MANSC4: variants seen among roughly 807,000 people sequenced by gnomAD.
The protein encoded by MANSC4 is MANSC domain containing 4, also known as MANSC domain-containing protein 4.
Under a neutral mutation model 11.4 loss-of-function variants are expected in MANSC4, and 11 were observed. The observed-to-expected ratio is 0.97, with a 90% CI of 0.61 to 1.60. The LOEUF (loss-of-function observed/expected upper bound fraction) is 1.60. MANSC4 is among the 40% of genes most tolerant of loss of function. The pLI is 0.00. For missense variants in MANSC4, 354 were observed against 404.6 expected, an observed-to-expected ratio of 0.88 and a Z score of 1.07; for synonymous variants, 123 against 147.1, an observed-to-expected ratio of 0.84 and a Z score of 1.19.
Position 27,763,252 on chromosome 12 carries a change from G to A in MANSC4, c.509C>T (p.Ser170Phe), listed in dbSNP as rs1158972115. The A allele has an allele frequency of 6.4e-7, 1 of 1,551,704 alleles. No homozygotes were observed. Among genetic ancestry groups the A allele is most frequent in the South Asian group, 1.2e-5 (1 of 84,060 alleles). ...CGTGGTTGAGGATGGAGCCTCTGTG[G>A]ATGGCAGCATACCATTTATCGTGGT... Reference protein sequence around the residue: ...QTTTINGMLPSTEAPSSTTHQ... With the variant: ...QTTTINGMLPFTEAPSSTTHQ... The change falls in exon 4 of 4, where the codon TCC becomes TTC. Residue 170 changes from serine to phenylalanine, a missense_variant. Transcript: ENST00000381273.
chr12:27,762,772 T>C lies in MANSC4; in HGVS notation c.989A>G (p.Lys330Arg). 1 of 1,546,422 alleles carries C rather than the reference T, an allele frequency of 6.5e-7. No individual in the cohort carries two copies. Among genetic ancestry groups the C allele is most frequent in the South Asian group, 1.2e-5 (1 of 82,660 alleles). Residue 330 changes from lysine to arginine, a missense_variant, in exon 4 of 4, where the codon AAA (lysine) becomes AGA (arginine). By Grantham distance (26) the Lys-to-Arg change is conservative (BLOSUM62 2). Coordinates refer to ENST00000381273, the MANE Select transcript of MANSC4 (RefSeq NM_001146221.5). ...GTTCTCCTTCATATGGTTACGGTTT[T>C]TAATTTGCAAGGATCCTGATTTTCT... ...GQRKSGSLQI[K>R]NRNHMKENSS
intron 1 of MANSC4, among the ~76,000 whole-genome samples, chr12:27,779,356 G>A (rs984513976): frequency 6.6e-6 from 1 of 152,172 alleles, no homozygotes; most frequent in Non-Finnish European, 1.5e-5. Context: ...AGAAAACATG[G>A]TTTAAAACCA....
chr12:27,770,100 C>T (rs1318369415), intron 2 of MANSC4, among the ~76,000 whole-genome samples: 1 of 152,144 alleles, frequency 6.6e-6, no homozygotes, highest in Non-Finnish European at 1.5e-5. Context: ...AAACATGAAT[C>T]GCACTCTAAA....
intron 1 of MANSC4, among the ~76,000 whole-genome samples, chr12:27,773,883 C>A (rs540046488): frequency 7.9e-5 from 12 of 152,272 alleles, no homozygotes; most frequent in African/African-American, 2.9e-4. Context: ...CATGGTGGCT[C>A]ACGCCTGTAA....
rs2062101317 is a variant in MANSC4, at chr12:27,771,590, T to G, written c.-306-8A>C. ...TCTGCTTTTCTTCTTTCTCTGAAAGTGAATAGTCACAGACACCTTTTGCTA... is the reference window on the plus strand; with the variant it reads ...TCTGCTTTTCTTCTTTCTCTGAAAGGGAATAGTCACAGACACCTTTTGCTA... On this transcript the variant is annotated splice_polypyrimidine_tract_variant and splice_region_variant and intron_variant, in intron 1 of 3. Coordinates refer to ENST00000381273, the MANE Select transcript of MANSC4 (RefSeq NM_001146221.5). Among the ~76,000 whole-genome samples, 2 of 152,130 alleles carry G rather than the reference T, an allele frequency of 1.3e-5. No homozygotes were observed. Among genetic ancestry groups the G allele is most frequent in the Admixed American group, 1.3e-4 (2 of 15,272 alleles).
chr12:27,763,934 T>C (rs915190166), intron 3 of MANSC4, among the ~76,000 whole-genome samples: 1 of 152,108 alleles, frequency 6.6e-6, no homozygotes, highest in African/African-American at 2.4e-5. Flanking sequence ...AGTTTTGTCA[T>C]GTTGCCCAGG....
rs545900997 is a variant in MANSC4, at chr12:27,779,469, G to A, written c.-307+741C>T. ...CCCAGTGGCAAATGCAAGCTCCCCTGCCTCCCAACCCGATTCCTCTGAGAA... is the reference window on the plus strand; with the variant it reads ...CCCAGTGGCAAATGCAAGCTCCCCTACCTCCCAACCCGATTCCTCTGAGAA... On this transcript the variant is annotated intron_variant, in intron 1 of 3. Transcript: ENST00000381273. Among the ~76,000 whole-genome samples, 3 of 152,246 alleles carry A rather than the reference G, an allele frequency of 2.0e-5. No homozygotes were observed. The East Asian group carries it at 5.8e-4, about 29-fold the overall frequency.
At position 27,765,836 on chromosome 12, in the gene MANSC4, G is replaced by T. The variant is rs528555914; in HGVS notation, c.364+829C>A. ...GATGGCAAAAATCTGTTCTTTTATG[G>T]TCACTAATTTACACCCTGAGATTAC... On this transcript the variant is annotated intron_variant, in intron 3 of 3. Transcript: ENST00000381273. Among the ~76,000 whole-genome samples, 11 of 152,172 alleles carry T rather than the reference G, an allele frequency of 7.2e-5. No individual in the cohort carries two copies. In the East Asian group the frequency reaches 1.9e-3, roughly 27 times the overall value.
chr12:27,764,653 GA>G (rs752164797), intron 3 of MANSC4, among the ~76,000 whole-genome samples: 9 of 152,026 alleles, frequency 5.9e-5, no homozygotes, highest in Non-Finnish European at 1.0e-4. Context: ...CAATGGTATT[GA>G]AACCCATATC....
chr12:27,777,460 A>G (rs921636707), intron 1 of MANSC4, among the ~76,000 whole-genome samples: 2 of 152,154 alleles, frequency 1.3e-5, no homozygotes, highest in Non-Finnish European at 2.9e-5. Context: ...GATGCTTAAT[A>G]CTGGATGTTA....
intron 1 of MANSC4, among the ~76,000 whole-genome samples, chr12:27,776,892 C>A (rs974046494): frequency 2.0e-5 from 3 of 152,066 alleles, no homozygotes; most frequent in African/African-American, 7.2e-5. Flanking sequence ...TAAAATTATA[C>A]CTCCAGTTAT....
chr12:27,773,049 C>T (rs2062106627), intron 1 of MANSC4, among the ~76,000 whole-genome samples: 1 of 152,118 alleles, frequency 6.6e-6, no homozygotes, highest in Non-Finnish European at 1.5e-5. Flanking sequence ...TTTTAAAGGA[C>T]CTAGAAGTCT....
At chr12:27,770,101 G>A (rs1389614088) in intron 2 of MANSC4, among the ~76,000 whole-genome samples, 4 of 152,070 alleles carry the variant, frequency 2.6e-5, no homozygotes, top group East Asian at 3.9e-4. Context: ...AACATGAATC[G>A]CACTCTAAAT....
intron 2 of MANSC4, among the ~76,000 whole-genome samples, chr12:27,770,429 C>T (rs1235214840): frequency 1.4e-5 from 2 of 146,474 alleles, no homozygotes; most frequent in Non-Finnish European, 1.6e-5. Flanking sequence ...GATCCACCCA[C>T]CTCGGCCTCC....
intron 3 of MANSC4, among the ~76,000 whole-genome samples, chr12:27,764,845 G>A (rs1179708327): frequency 2.0e-5 from 3 of 152,002 alleles, no homozygotes; most frequent in Non-Finnish European, 1.5e-5. Context: ...AATCTACACT[G>A]TAAGGTGATT....
At chr12:27,775,410 C>T (rs797013147) in intron 1 of MANSC4, among the ~76,000 whole-genome samples, 4 of 152,226 alleles carry the variant, frequency 2.6e-5, no homozygotes, top group African/African-American at 9.6e-5. Context: ...GAGAGCCTGT[C>T]TCTACAAAAT....
intron 3 of MANSC4, 101 bp from the exon 4 acceptor site, chr12:27,763,497 A>T (rs1591807723): frequency 9.1e-7 from 1 of 1,098,782 alleles, no homozygotes; most frequent in East Asian, 2.6e-5. Flanking sequence ...GCTATGAGTT[A>T]TCGAACGAAG....
intron 1 of MANSC4, among the ~76,000 whole-genome samples, chr12:27,773,261 T>C (rs1396121367): frequency 6.6e-6 from 1 of 152,236 alleles, no homozygotes; most frequent in Non-Finnish European, 1.5e-5. Context: ...TCTACAAGTC[T>C]CAATGTAAAA....
chr12:27,770,595 T>C (rs11049135), intron 2 of MANSC4, among the ~76,000 whole-genome samples: 24,495 of 151,988 alleles, frequency 0.16, 2,528 homozygotes, highest in Non-Finnish European at 0.23. Flanking sequence ...TCCCAGCACT[T>C]TGGGAGGCTG....
Sources: allele counts gnomAD v4.1 joint callset (sites outside exome capture counted in the v4.1 genomes callset), GRCh38; gene constraint gnomAD v4.1.1; transcripts MANE v1.5; gene names NCBI Gene and HGNC (gene_info 2026-07-23, HGNC 2026-07-21).